Variants in TGDS observed in about 807,000 individuals in gnomAD.
The protein encoded by TGDS is UDP-D-glucose 4,6-dehydratase.
In TGDS, 47 loss-of-function variants were observed where a neutral mutation model predicts 52.3. That is an observed-to-expected ratio of 0.90 (90% CI 0.71 to 1.15). The LOEUF is 1.15. Among genes scored for constraint, TGDS ranks in the 50% most tolerant of loss-of-function variants. The pLI, the probability that TGDS is intolerant of heterozygous loss-of-function variation, is 0.00. For missense variants in TGDS, 375 were observed against 418.4 expected, an observed-to-expected ratio of 0.90 and a Z score of 0.90; for synonymous variants, 115 against 136.9, an observed-to-expected ratio of 0.84 and a Z score of 1.12.
At chr13:94,580,962 G>C in intron 6 of TGDS, 129 bp downstream of exon 6, 1 of 506,156 alleles carries the variant, frequency 2.0e-6, no homozygotes, top group East Asian at 3.3e-5. Context: ...GTCAGATTGC[G>C]ACTGTCTCCG....
intron 4 of TGDS, among the ~76,000 whole-genome samples, chr13:94,588,533 C>CTA (rs1889084805): frequency 1.4e-5 from 2 of 146,732 alleles, no homozygotes; most frequent in South Asian, 4.6e-4. Context: ...TTATAAAAAT[C>CTA]TATAAGGAAA....
chr13:94,583,306 C>T, intron 4 of TGDS, 70 bp from the exon 5 acceptor site: 1 of 1,528,030 alleles, frequency 6.5e-7, no homozygotes, highest in Non-Finnish European at 8.8e-7. Flanking sequence ...ATGATGGACT[C>T]AGGTTTAAGG....
intron 1 of TGDS, among the ~76,000 whole-genome samples, chr13:94,594,405 C>T (rs531801010): frequency 1.3e-5 from 2 of 152,280 alleles, no homozygotes; most frequent in Admixed American, 6.5e-5. Flanking sequence ...AAACCAGAAT[C>T]CTCAGGAGGC....
At chr13:94,576,583 A>T (rs1357184398) in intron 10 of TGDS, among the ~76,000 whole-genome samples, 172 bp from the exon 11 acceptor site, 1 of 152,162 alleles carries the variant, frequency 6.6e-6, no homozygotes, top group African/African-American at 2.4e-5. Context: ...TTTAAAAAAA[A>T]AAAGTCACCC....
In TGDS at chr13:94,579,800, T is replaced by A. The variant is rs76332786; in HGVS notation, c.615+94A>T. 3,196 of 697,044 alleles carry A rather than the reference T, an allele frequency of 4.6e-3. 90 individuals carry two copies. The African/African-American group carries it at 0.052, about 11-fold the overall frequency. 43.2% of individuals were successfully genotyped at this position (697,044 alleles called of 1,614,324 possible). A position where few individuals can be genotyped will look rare whatever the true frequency, so the allele number is the denominator to read the frequency against. On this transcript the variant is annotated intron_variant, in intron 7 of 11. Transcript: ENST00000261296. Reference sequence around the variant, plus strand: ...ATAAAATTATGTATAATTTACAACATATTATTTTAGACAAATAACTGAAAA... The same window carrying A: ...ATAAAATTATGTATAATTTACAACAAATTATTTTAGACAAATAACTGAAAA...
chr13:94,578,833 A>G, intron 7 of TGDS, 60 bp from the exon 8 acceptor site: 1 of 1,029,160 alleles, frequency 9.7e-7, no homozygotes, highest in Non-Finnish European at 1.4e-6. Context: ...ATGAATCTGA[A>G]CTCATACCAA....
intron 4 of TGDS, among the ~76,000 whole-genome samples, chr13:94,588,646 A>G (rs915417887): frequency 1.3e-5 from 2 of 152,190 alleles, no homozygotes; most frequent in Admixed American, 1.3e-4. Flanking sequence ...AACAAATGGA[A>G]AGGTTTTTAA....
At chr13:94,590,247 A>G (rs1266823332) in intron 4 of TGDS, among the ~76,000 whole-genome samples, 1 of 148,662 alleles carries the variant, frequency 6.7e-6, no homozygotes, top group Non-Finnish European at 1.5e-5. Flanking sequence ...TATATTTAAA[A>G]ACACCCTAAG....
chr13:94,589,949 T>C (rs1024669424), intron 4 of TGDS, among the ~76,000 whole-genome samples: 17 of 152,028 alleles, frequency 1.1e-4, no homozygotes, highest in African/African-American at 4.1e-4. Flanking sequence ...TCATGATACA[T>C]GTTCAAGGTA....
rs1323016654 is a variant in TGDS, at chr13:94,574,908, A to G, written c.983-56T>C. 3 of 1,146,496 alleles carry G rather than the reference A, an allele frequency of 2.6e-6. No individual in the cohort carries two copies. The African/African-American group carries it at 4.7e-5, about 18-fold the overall frequency. 71.0% of individuals were successfully genotyped at this position (1,146,496 alleles called of 1,614,324 possible). On this transcript the variant is annotated intron_variant, in intron 11 of 11. Transcript: ENST00000261296. ...AAAAGAAAAGAAAGAAAAACTAAACATCAGTTAACCAACCTTTACTGAGTT... is the reference window on the plus strand; with the variant it reads ...AAAAGAAAAGAAAGAAAAACTAAACGTCAGTTAACCAACCTTTACTGAGTT...
chr13:94,574,844 A>G lies in TGDS; in HGVS notation c.991T>C (p.Tyr331His). Reference sequence around the variant, plus strand: ...TTCCAGTTGTGAAAATTCTCTCTGTACCATTCAACTAATAGGAAAAAACAA... The same window carrying G: ...TTCCAGTTGTGAAAATTCTCTCTGTGCCATTCAACTAATAGGAAAAAACAA... ...KEGIKKTIEW[Y>H]RENFHNWKNV... Residue 331 changes from tyrosine to histidine, a missense_variant, in exon 12 of 12, where the codon TAC becomes CAC. By Grantham distance (83) the Tyr-to-His change is moderately conservative. Coordinates refer to ENST00000261296, the MANE Select transcript of TGDS (RefSeq NM_014305.4). The G allele has an allele frequency of 6.3e-7, 1 of 1,581,942 alleles. No homozygotes were observed. Among genetic ancestry groups the G allele is most frequent in the East Asian group, 2.2e-5 (1 of 44,718 alleles).
upstream of TGDS, chr13:94,596,201 C>G: frequency 6.5e-7 from 1 of 1,542,918 alleles, no homozygotes; most frequent in Non-Finnish European, 8.8e-7. Flanking sequence ...GAAGTTCCGC[C>G]GCGACCTTTT....
In TGDS at chr13:94,576,239, T is replaced by C; in HGVS notation, c.982+75A>G. The C allele has an allele frequency of 3.0e-6, 3 of 1,014,652 alleles. No homozygotes were observed. In the South Asian group the frequency reaches 5.2e-5, roughly 18 times the overall value. 62.9% of individuals were successfully genotyped at this position (1,014,652 alleles called of 1,614,324 possible). A position where few individuals can be genotyped will look rare whatever the true frequency, so the allele number is the denominator to read the frequency against. On this transcript the variant is annotated intron_variant, in intron 11 of 11. Transcript: ENST00000261296. Reference sequence around the variant, plus strand: ...CAACACAATATTCCACTGGTTTGTATAATGTTCTGGAAATAAGTTATTTTT... The same window carrying C: ...CAACACAATATTCCACTGGTTTGTACAATGTTCTGGAAATAAGTTATTTTT...
intron 1 of TGDS, among the ~76,000 whole-genome samples, chr13:94,594,534 T>C (rs1594460518): frequency 6.6e-6 from 1 of 152,254 alleles, no homozygotes; most frequent in East Asian, 1.9e-4. Flanking sequence ...CATATCTCAG[T>C]GAAATGATCT....
chr13:94,575,263 T>C (rs947544082), intron 11 of TGDS, among the ~76,000 whole-genome samples: 1 of 150,560 alleles, frequency 6.6e-6, no homozygotes, highest in African/African-American at 2.4e-5. Context: ...AGAGGCACAA[T>C]GAGTTGATGT....
chr13:94,583,328 C>T, intron 4 of TGDS, 92 bp from the exon 5 acceptor site: 1 of 1,288,378 alleles, frequency 7.8e-7, no homozygotes, highest in Non-Finnish European at 1.0e-6. Flanking sequence ...GAGTACTAGT[C>T]ACTGTTCTTC....
At chr13:94,578,816 CATT>C (rs752141244) in intron 7 of TGDS, 43 bp from the exon 8 acceptor site, 11 of 1,260,308 alleles carry the variant, frequency 8.7e-6, no homozygotes, top group Admixed American at 3.8e-5. Flanking sequence ...GATATTTACT[CATT>C]AGTATGAATC....
At chr13:94,584,659 A>G (rs1888917897) in intron 4 of TGDS, among the ~76,000 whole-genome samples, 2 of 152,240 alleles carry the variant, frequency 1.3e-5, no homozygotes, top group South Asian at 4.1e-4. Context: ...ACCAAAAGGA[A>G]CAATGGCTCC....
intron 4 of TGDS, among the ~76,000 whole-genome samples, chr13:94,589,958 T>C (rs1006448591): frequency 3.9e-5 from 6 of 151,934 alleles, no homozygotes; most frequent in Admixed American, 2.6e-4. Flanking sequence ...ATGTTCAAGG[T>C]AGTAGTGCTC....
Sources: gnomAD v4.1 joint callset for allele counts (sites outside exome capture counted in the v4.1 genomes callset) on GRCh38, gnomAD v4.1.1 for gene constraint, MANE v1.5 for transcripts, NCBI Gene and HGNC (gene_info 2026-07-23, HGNC 2026-07-21) for gene names.